KIAA1958: variants seen among roughly 807,000 people sequenced by gnomAD.
KIAA1958 encodes the protein KIAA1958.
Under a neutral mutation model 47.2 loss-of-function variants are expected in KIAA1958, and 14 were observed. The observed-to-expected ratio is 0.30, with a 90% CI of 0.20 to 0.46. The LOEUF (loss-of-function observed/expected upper bound fraction) is 0.46. Ranked by LOEUF, KIAA1958 falls within the 20% of genes least tolerant of loss-of-function variation. The probability of loss-of-function intolerance (pLI) is 1.00; values close to 1 mark genes in which losing one functional copy is unlikely to be tolerated. For synonymous variants in KIAA1958, 354 were observed against 353.3 expected, an observed-to-expected ratio of 1.00 and a Z score of -0.02; for missense variants, 803 against 909.2, an observed-to-expected ratio of 0.88 and a Z score of 1.50.
chr9:112,557,073 C>G (rs772153155), intron 1 of KIAA1958, among the ~76,000 whole-genome samples: 3 of 152,142 alleles, frequency 2.0e-5, no homozygotes, highest in Non-Finnish European at 2.9e-5. Flanking sequence ...ATCCTCCCAC[C>G]TCACCCTCCC....
In KIAA1958 at chr9:112,661,998, C is replaced by A. The variant is rs1467052701; in HGVS notation, c.*1929C>A. On this transcript the variant is annotated 3_prime_UTR_variant, in exon 4 of 4. Coordinates refer to ENST00000337530, the MANE Select transcript of KIAA1958 (RefSeq NM_133465.4). ...AAGCCTGCAGCCTAATTAATTAAAACCTCCATTTTTATTTGAATAGATTCA... is the reference window on the plus strand; with the variant it reads ...AAGCCTGCAGCCTAATTAATTAAAAACTCCATTTTTATTTGAATAGATTCA... 1 of 152,186 alleles carries A rather than the reference C, an allele frequency of 6.6e-6. No homozygotes were observed. The highest frequency in any genetic ancestry group is 1.5e-5 in the Non-Finnish European group (1 of 68,026). 9.4% of individuals were successfully genotyped at this position (152,186 alleles called of 1,614,324 possible). A position where few individuals can be genotyped will look rare whatever the true frequency, so the allele number is the denominator to read the frequency against.
At chr9:112,548,573 A>G (rs1835083528) in intron 1 of KIAA1958, among the ~76,000 whole-genome samples, 1 of 152,120 alleles carries the variant, frequency 6.6e-6, no homozygotes, top group Non-Finnish European at 1.5e-5. Context: ...ATCAGGCTAT[A>G]TTGTTGTTAC....
intron 2 of KIAA1958, among the ~76,000 whole-genome samples, chr9:112,627,146 G>A (rs1836631069): frequency 1.3e-5 from 2 of 152,152 alleles, no homozygotes; most frequent in Admixed American, 6.6e-5. Flanking sequence ...TGAAAATCTT[G>A]TGTCATGTTT....
intron 2 of KIAA1958, among the ~76,000 whole-genome samples, chr9:112,628,610 C>T (rs1836659420): frequency 1.3e-5 from 2 of 152,144 alleles, no homozygotes; most frequent in Non-Finnish European, 2.9e-5. Context: ...ATTTTGGACA[C>T]CAAAGATTAT....
intron 2 of KIAA1958, among the ~76,000 whole-genome samples, chr9:112,589,570 G>A (rs1247807417): frequency 6.6e-6 from 1 of 152,204 alleles, no homozygotes; most frequent in East Asian, 1.9e-4. Flanking sequence ...CAACAAGAGT[G>A]AAACTCTGTC....
At chr9:112,561,939 C>G (rs1473456073) in intron 1 of KIAA1958, among the ~76,000 whole-genome samples, 7 of 152,164 alleles carry the variant, frequency 4.6e-5, no homozygotes, top group African/African-American at 1.2e-4. Context: ...TATAGTTGGT[C>G]TAAGGGCCTG....
intron 1 of KIAA1958, among the ~76,000 whole-genome samples, chr9:112,554,438 C>T (rs961515024): frequency 6.6e-6 from 1 of 152,008 alleles, no homozygotes; most frequent in African/African-American, 2.4e-5. Context: ...GCAGAGGTTG[C>T]AGTGAGCTGA....
At chr9:112,580,942 A>G (rs7040835) in intron 2 of KIAA1958, among the ~76,000 whole-genome samples, 74,874 of 152,060 alleles carry the variant, frequency 0.49, 18,818 homozygotes, top group South Asian at 0.55. Context: ...TTTTGCCATC[A>G]TTTTCTTCCT....
chr9:112,491,567 GT>G (rs561694974), intron 1 of KIAA1958, among the ~76,000 whole-genome samples: 5 of 137,678 alleles, frequency 3.6e-5, no homozygotes, highest in African/African-American at 5.4e-5. Flanking sequence ...TGTTTTTTTT[GT>G]TTTTTTTTTC....
At chr9:112,570,919 G>A (rs1377399936) in intron 1 of KIAA1958, among the ~76,000 whole-genome samples, 3 of 152,218 alleles carry the variant, frequency 2.0e-5, no homozygotes, top group Admixed American at 6.5e-5. Context: ...CTGAAAGGCC[G>A]GGACCTGGGA....
rs772770769 is a variant in KIAA1958, at chr9:112,660,115, G to A, written c.*46G>A. ...ACTGCCCTGTCACCTGCTCGGGCCA[G>A]CCAGGGTTGGAGCAGCTGGAGCTCC... On this transcript the variant is annotated 3_prime_UTR_variant, in exon 4 of 4. Coordinates refer to ENST00000337530, the MANE Select transcript of KIAA1958 (RefSeq NM_133465.4). The A allele has an allele frequency of 8.4e-6, 13 of 1,550,386 alleles. No homozygotes were observed. The Admixed American group carries it at 2.2e-4, about 26-fold the overall frequency.
chr9:112,575,358 G>T, intron 2 of KIAA1958, 107 bp downstream of exon 2: 3 of 704,436 alleles, frequency 4.3e-6, no homozygotes, highest in Non-Finnish European at 4.5e-6. Flanking sequence ...TCAGTCCTTT[G>T]TTAGTCATAG....
intron 1 of KIAA1958, among the ~76,000 whole-genome samples, chr9:112,518,548 G>A (rs562939904): frequency 1.8e-4 from 27 of 152,286 alleles, no homozygotes; most frequent in African/African-American, 6.5e-4. Flanking sequence ...ATGAGTGTTT[G>A]CCTTAAGAGT....
At chr9:112,520,932 C>T (rs1443010237) in intron 1 of KIAA1958, among the ~76,000 whole-genome samples, 2 of 151,950 alleles carry the variant, frequency 1.3e-5, no homozygotes, top group South Asian at 2.1e-4. Flanking sequence ...TTCTTTAAAT[C>T]TTTTTTTTCT....
At chr9:112,576,094 A>G (rs1365993899) in intron 2 of KIAA1958, among the ~76,000 whole-genome samples, 1 of 152,188 alleles carries the variant, frequency 6.6e-6, no homozygotes, top group East Asian at 1.9e-4. Context: ...AACGTCGTGT[A>G]TTTTGGGAAA....
chr9:112,541,483 G>C (rs1834942327), intron 1 of KIAA1958, among the ~76,000 whole-genome samples: 1 of 152,170 alleles, frequency 6.6e-6, no homozygotes, highest in African/African-American at 2.4e-5. Context: ...GTTAGTCCTA[G>C]ATGTATACCA....
chr9:112,562,579 TACTTGGAACTTCTGCC>T (rs1170744374), intron 1 of KIAA1958, among the ~76,000 whole-genome samples: 1 of 152,202 alleles, frequency 6.6e-6, no homozygotes, highest in Non-Finnish European at 1.5e-5. Context: ...CTATTCAGAA[TACTTGGAACTTCTGCC>T]ACCGAGGCCC....
chr9:112,574,444 T>C lies in KIAA1958; in HGVS notation c.364T>C (p.Phe122Leu), dbSNP rs1218802067. The change falls in exon 2 of 4, where the codon TTC becomes CTC. Residue 122 changes from phenylalanine (F) to leucine (L), a missense_variant. This residue lies in a region of KIAA1958 where 761 missense variants were observed against 829.3 expected (regional missense o/e 0.92). Transcript: ENST00000337530. ...DCNRTRDSCD[F>L]SYCSEPSELD... is the part of the protein sequence containing the mutation. ...TAACCGGACCAGAGACTCTTGTGACTTCTCCTACTGTAGTGAGCCCTCTGA... is the reference window on the plus strand; with the variant it reads ...TAACCGGACCAGAGACTCTTGTGACCTCTCCTACTGTAGTGAGCCCTCTGA... 5.6e-6 allele frequency: 9 copies of C among 1,614,084 alleles called. No individual in the cohort carries two copies. Among genetic ancestry groups the C allele is most frequent in the Non-Finnish European group, 7.6e-6 (9 of 1,180,026 alleles).
rs560147861 is a variant in KIAA1958 at position 112,519,681 on chromosome 9, A to G, written c.-25+32563A>G. ...AATAGGCATGCTGATTAGGAAAACA[A>G]ATCCCAAATCCTTCAGTTCTTTGAG... On this transcript the variant is annotated intron_variant, in intron 1 of 3. Transcript: ENST00000337530. Among the ~76,000 whole-genome samples, 5 of 152,320 alleles carry G rather than the reference A, an allele frequency of 3.3e-5. No homozygotes were observed. In the East Asian group the frequency reaches 9.6e-4, roughly 29 times the overall value.
Sources: allele counts gnomAD v4.1 joint callset (sites outside exome capture counted in the v4.1 genomes callset), GRCh38; gene constraint gnomAD v4.1.1; regional missense constraint gnomAD v4.1.1; transcripts MANE v1.5; gene names NCBI Gene and HGNC (gene_info 2026-07-23, HGNC 2026-07-21).